ZFPM2: variants seen among roughly 807,000 people sequenced by gnomAD.
ZFPM2 encodes zinc finger protein, FOG family member 2.
In ZFPM2, 20 loss-of-function variants were observed where a neutral mutation model predicts 98.6. The observed-to-expected ratio is 0.20, with a 90% CI of 0.14 to 0.29. The LOEUF (loss-of-function observed/expected upper bound fraction) is 0.29. ZFPM2 is among the 10% of genes least tolerant of loss of function. The probability of loss-of-function intolerance (pLI) is 1.00; values close to 1 mark genes in which losing one functional copy is unlikely to be tolerated. For missense variants in ZFPM2, 1,310 were observed against 1,388.6 expected, an observed-to-expected ratio of 0.94 and a Z score of 0.90; for synonymous variants, 518 against 502.7, an observed-to-expected ratio of 1.03 and a Z score of -0.41.
chr8:105,532,110 C>G (rs1440813071), intron 3 of ZFPM2, among the ~76,000 whole-genome samples: 2 of 152,072 alleles, frequency 1.3e-5, no homozygotes, highest in Non-Finnish European at 2.9e-5. Context: ...CCATGTTGCC[C>G]AGGCTTGTCT....
At chr8:105,684,646 T>C (rs1810690283) in intron 5 of ZFPM2, among the ~76,000 whole-genome samples, 1 of 152,060 alleles carries the variant, frequency 6.6e-6, no homozygotes, top group African/African-American at 2.4e-5. Flanking sequence ...GTTAAAATAA[T>C]ATAGCAAATA....
intron 3 of ZFPM2, among the ~76,000 whole-genome samples, chr8:105,519,023 A>G (rs1196212710): frequency 6.6e-6 from 1 of 152,208 alleles, no homozygotes; most frequent in Non-Finnish European, 1.5e-5. Flanking sequence ...GGTGCTTCCT[A>G]TGTATCACAC....
intron 5 of ZFPM2, among the ~76,000 whole-genome samples, chr8:105,635,806 A>G (rs1816837005): frequency 6.6e-6 from 1 of 152,178 alleles, no homozygotes; most frequent in Non-Finnish European, 1.5e-5. Flanking sequence ...CCCATTTATG[A>G]TTCAAATTCA....
chr8:105,590,975 G>A (rs1815830185), intron 4 of ZFPM2, among the ~76,000 whole-genome samples: 1 of 152,170 alleles, frequency 6.6e-6, no homozygotes, highest in African/African-American at 2.4e-5. Context: ...CTAATGTAAG[G>A]TTATTATAAG....
intron 1 of ZFPM2, among the ~76,000 whole-genome samples, chr8:105,402,012 T>C (rs771713526): frequency 3.3e-5 from 5 of 152,114 alleles, no homozygotes; most frequent in Non-Finnish European, 1.5e-5. Flanking sequence ...TCCTTATTTT[T>C]TGTTTCCTCA....
intron 4 of ZFPM2, among the ~76,000 whole-genome samples, chr8:105,563,055 C>T (rs1815172887): frequency 6.6e-6 from 1 of 151,900 alleles, no homozygotes. Flanking sequence ...GAAAGTCCTT[C>T]TCTCTAAATG....
intron 6 of ZFPM2, among the ~76,000 whole-genome samples, chr8:105,791,367 G>A (rs200822519): frequency 0.069 from 10,429 of 152,078 alleles, 416 homozygotes; most frequent in East Asian, 0.12. Flanking sequence ...TTTGTCTTTG[G>A]TTCTGTTTAT....
At chr8:105,721,608 G>GT (rs960864535) in intron 5 of ZFPM2, among the ~76,000 whole-genome samples, 1 of 151,900 alleles carries the variant, frequency 6.6e-6, no homozygotes, top group Non-Finnish European at 1.5e-5. Flanking sequence ...CCAGGTTACA[G>GT]TTTTTTTGCA....
chr8:105,700,277 G>C (rs1384087129), intron 5 of ZFPM2, among the ~76,000 whole-genome samples: 1 of 152,178 alleles, frequency 6.6e-6, no homozygotes, highest in Non-Finnish European at 1.5e-5. Context: ...GAACGACTTA[G>C]CCTGAATTGA....
chr8:105,553,118 T>C, intron 3 of ZFPM2, among the ~76,000 whole-genome samples: 1 of 152,080 alleles, frequency 6.6e-6, no homozygotes, highest in Non-Finnish European at 1.5e-5. Flanking sequence ...GCCCATGGTG[T>C]TGTTTTTAAA....
intron 5 of ZFPM2, among the ~76,000 whole-genome samples, chr8:105,712,666 T>C (rs1208079755): frequency 6.6e-6 from 1 of 152,020 alleles, no homozygotes; most frequent in Non-Finnish European, 1.5e-5. Flanking sequence ...ATCACCCAGA[T>C]AGTGAACATA....
At chr8:105,722,204 C>A (rs1811684363) in intron 5 of ZFPM2, among the ~76,000 whole-genome samples, 2 of 151,700 alleles carry the variant, frequency 1.3e-5, no homozygotes, top group South Asian at 4.1e-4. Context: ...CTTTTTCTTT[C>A]TTCCTTCCCC....
chr8:105,563,695 A>T (rs569586911), intron 4 of ZFPM2, among the ~76,000 whole-genome samples: 4 of 152,282 alleles, frequency 2.6e-5, no homozygotes, highest in Admixed American at 2.0e-4. Context: ...AACATCAAAG[A>T]TTGAATTAAA....
At chr8:105,800,099 GA>G (rs568290559) in intron 7 of ZFPM2, among the ~76,000 whole-genome samples, 24 of 149,624 alleles carry the variant, frequency 1.6e-4, no homozygotes, top group Admixed American at 3.3e-4. Context: ...AAGCTAAATG[GA>G]AAAAAAAATG....
intron 5 of ZFPM2, among the ~76,000 whole-genome samples, chr8:105,652,713 T>A (rs1451890471): frequency 6.6e-6 from 1 of 152,118 alleles, no homozygotes; most frequent in African/African-American, 2.4e-5. Flanking sequence ...ATTATAAAAA[T>A]TTAAGATTTT....
At chr8:105,451,574 C>A (rs1308978968) in intron 3 of ZFPM2, 3 of 152,120 alleles carry the variant, frequency 2.0e-5, no homozygotes, top group Non-Finnish European at 4.4e-5. Context: ...AGGAGAATGC[C>A]TTGTGGAGAT....
intron 1 of ZFPM2, among the ~76,000 whole-genome samples, chr8:105,332,177 A>C (rs951075188): frequency 6.6e-6 from 1 of 151,620 alleles, no homozygotes; most frequent in Non-Finnish European, 1.5e-5. Context: ...CTTACTTCAC[A>C]TGTCAATTGT....
chr8:105,497,064 T>C (rs1813485153), intron 3 of ZFPM2, among the ~76,000 whole-genome samples: 1 of 150,378 alleles, frequency 6.6e-6, no homozygotes, highest in African/African-American at 2.4e-5. Context: ...GGGCTCACTG[T>C]GAGCTCCGCC....
chr8:105,406,360 G>A (rs1811459598), intron 1 of ZFPM2, among the ~76,000 whole-genome samples: 1 of 152,014 alleles, frequency 6.6e-6, no homozygotes, highest in Non-Finnish European at 1.5e-5. Context: ...AACAAGCAAT[G>A]GGGAAAGGAT....
Sources: allele counts gnomAD v4.1 joint callset (sites outside exome capture counted in the v4.1 genomes callset), GRCh38; gene constraint gnomAD v4.1.1; transcripts MANE v1.5; gene names NCBI Gene and HGNC (gene_info 2026-07-23, HGNC 2026-07-21).